ZNF233: variants seen among roughly 807,000 people sequenced by gnomAD.
The protein encoded by ZNF233 is zinc finger protein 233.
A neutral mutation model predicts 11.6 loss-of-function variants in ZNF233; 7 were observed. The ratio of observed to expected loss-of-function variants is 0.60; its 90% CI spans 0.34 to 1.13. ZNF233 has a LOEUF of 1.13. ZNF233 is among the 50% of genes most tolerant of loss of function. The pLI, the probability that ZNF233 is intolerant of heterozygous loss-of-function variation, is 0.03. For synonymous variants in ZNF233, 226 were observed against 268.5 expected (o/e 0.84, Z 1.55); for missense variants, 711 against 785.5 (o/e 0.91, Z 1.13).
At chr19:44,263,834 T>C (rs1033865911) in intron 1 of ZNF233, among the ~76,000 whole-genome samples, 3 of 152,254 alleles carry the variant, frequency 2.0e-5, no homozygotes, top group Non-Finnish European at 2.9e-5. Context: ...ATGCATAATA[T>C]CATCTGCTTT....
intron 1 of ZNF233, among the ~76,000 whole-genome samples, chr19:44,262,482 A>C (rs1974965257): frequency 6.6e-6 from 1 of 152,190 alleles, no homozygotes; most frequent in Non-Finnish European, 1.5e-5. Context: ...TTTTCTACTA[A>C]ATGTCGTGAA....
chr19:44,260,132 A>G (rs8100414), intron 1 of ZNF233, 194 bp downstream of exon 1: 4 of 253,462 alleles, frequency 1.6e-5, no homozygotes, highest in Non-Finnish European at 3.2e-5. Context: ...TTTGGTTTGA[A>G]GGTCTCCCGG....
At chr19:44,260,083 G>T in intron 1 of ZNF233, 145 bp downstream of exon 1, 4 of 290,296 alleles carry the variant, frequency 1.4e-5, no homozygotes, top group South Asian at 1.0e-4. Flanking sequence ...TTAGGGCGGT[G>T]CATGGGTCTC....
At position 44,264,438 on chromosome 19, in the gene ZNF233, T is replaced by C. The variant is rs564105970; in HGVS notation, c.15+63T>C. ...TCTCTTTTCCTCAAAGATTAGACAC[T>C]TTTTTTTCTCTTCCTTGGGAAAGAT... is the stretch of plus-strand genomic sequence containing the variant. On this transcript the variant is annotated intron_variant, in intron 2 of 4. Coordinates refer to ENST00000683810, the MANE Select transcript of ZNF233 (RefSeq NM_001207005.2). 5.5e-6 allele frequency: 8 copies of C among 1,464,516 alleles called. No homozygotes were observed. The African/African-American group carries it at 5.7e-5, about 10-fold the overall frequency. The allele number at this position is 1,464,516 out of a possible 1,614,324, so 90.7% of individuals were successfully genotyped here. A position where few individuals can be genotyped will look rare whatever the true frequency, so the allele number is the denominator to read the frequency against.
At chr19:44,266,830 C>A in intron 3 of ZNF233, 36 bp from the exon 4 acceptor site, 1 of 1,505,232 alleles carries the variant, frequency 6.6e-7, no homozygotes, top group Non-Finnish European at 9.2e-7. Context: ...GACTATAATG[C>A]ATTCACTTTA....
chr19:44,270,069 A>G (rs2123059893), intron 4 of ZNF233, among the ~76,000 whole-genome samples: 1 of 152,298 alleles, frequency 6.6e-6, no homozygotes, highest in East Asian at 1.9e-4. Flanking sequence ...CTTCTCATTG[A>G]GAGAGTTCAC....
At chr19:44,262,468 G>T (rs1362110166) in intron 1 of ZNF233, among the ~76,000 whole-genome samples, 5 of 152,148 alleles carry the variant, frequency 3.3e-5, no homozygotes, top group African/African-American at 4.8e-5. Flanking sequence ...AACCCCATTT[G>T]TTTTTTTCTA....
In ZNF233 at chr19:44,274,179, C is replaced by G; in HGVS notation, c.1519C>G (p.Pro507Ala). The G allele has an allele frequency of 6.2e-7, 1 of 1,613,926 alleles. No individual in the cohort carries two copies. The highest frequency in any genetic ancestry group is 1.1e-5 in the South Asian group (1 of 91,078). ...AHQRVHTGEK[P>A]YKCDTCGKDF... Reference sequence around the variant, plus strand: ...TCAGAGAGTCCATACAGGAGAGAAACCCTACAAATGTGACACATGTGGGAA... The same window carrying G: ...TCAGAGAGTCCATACAGGAGAGAAAGCCTACAAATGTGACACATGTGGGAA... The change falls in exon 5 of 5, where the codon CCC becomes GCC. Residue 507 changes from proline to alanine, a missense_variant. Transcript: ENST00000683810.
At chr19:44,270,158 A>G (rs1401144629) in intron 4 of ZNF233, among the ~76,000 whole-genome samples, 3 of 152,108 alleles carry the variant, frequency 2.0e-5, no homozygotes, top group Non-Finnish European at 4.4e-5. Flanking sequence ...CAGCCTACTT[A>G]TAATTTTTAT....
In ZNF233 at chr19:44,274,606, A is replaced by C. The variant is rs1975342918; in HGVS notation, c.1946A>C (p.Lys649Thr). 6.2e-7 allele frequency: 1 copy of C among 1,612,396 alleles called. No homozygotes were observed. Among genetic ancestry groups the C allele is most frequent in the South Asian group, 1.1e-5 (1 of 91,042 alleles). ...GTCCATACTGGAGAGAAACCATACA[A>C]ATGTTTTGTGTGTGGTAAGGGCTTT... ...QRVHTGEKPY[K>T]CFVCGKGFSK... Residue 649 changes from lysine (K) to threonine (T), a missense_variant, in exon 5 of 5, where the codon AAA becomes ACA. Coordinates refer to ENST00000683810, the MANE Select transcript of ZNF233 (RefSeq NM_001207005.2).
Position 44,274,745 on chromosome 19 carries a change from C to G in ZNF233, c.*72C>G, listed in dbSNP as rs928975040. 3 of 1,185,816 alleles carry G rather than the reference C, an allele frequency of 2.5e-6. No homozygotes were observed. The highest frequency in any genetic ancestry group is 3.1e-5 in the African/African-American group (2 of 64,248). The allele number at this position is 1,185,816 out of a possible 1,614,324, so 73.5% of individuals were successfully genotyped here. A position where few individuals can be genotyped will look rare whatever the true frequency, so the allele number is the denominator to read the frequency against. ...CAAGACTTAGACTTCCCATTTTCCT[C>G]AGAAAATCCACACAGCACAGAATAT... On this transcript the variant is annotated 3_prime_UTR_variant, in exon 5 of 5. Coordinates refer to ENST00000683810, the MANE Select transcript of ZNF233 (RefSeq NM_001207005.2).
chr19:44,273,051 T>C lies in ZNF233; in HGVS notation c.391T>C (p.Ser131Pro). Residue 131 changes from serine (S) to proline (P), a missense_variant, in exon 5 of 5, where the codon TCC becomes CCC. Transcript: ENST00000683810. Reference protein sequence around the residue: ...DLIINLQGKRSKLLKQGDSPC... With the variant: ...DLIINLQGKRPKLLKQGDSPC... Reference sequence around the variant, plus strand: ...AATAATAAATCTTCAAGGCAAGAGGTCCAAGTTGCTAAAACAAGGTGATTC... The same window carrying C: ...AATAATAAATCTTCAAGGCAAGAGGCCCAAGTTGCTAAAACAAGGTGATTC... 1 of 1,614,032 alleles carries C rather than the reference T, an allele frequency of 6.2e-7. No homozygotes were observed. The highest frequency in any genetic ancestry group is 1.6e-4 in the Middle Eastern group (1 of 6,062).
chr19:44,263,187 C>T (rs1182096858), intron 1 of ZNF233, among the ~76,000 whole-genome samples: 1 of 152,190 alleles, frequency 6.6e-6, no homozygotes, highest in East Asian at 1.9e-4. Context: ...CCATATAATT[C>T]ACCCTTTTAA....
At position 44,273,112 on chromosome 19, in the gene ZNF233, T is replaced by G. The variant is rs1369836111; in HGVS notation, c.452T>G (p.Val151Gly). The G allele has an allele frequency of 1.2e-6, 2 of 1,613,970 alleles. No individual in the cohort carries two copies. The highest frequency in any genetic ancestry group is 1.7e-6 in the Non-Finnish European group (2 of 1,179,994). Residue 151 changes from valine to glycine, a missense_variant, in exon 5 of 5, where the codon GTC (valine) becomes GGC (glycine). Transcript: ENST00000683810. ...GTGTGGACAGGAGAATCTAGTCAGG[T>G]CTCTGAAGATGAGAACTATGTAATA... The part of the protein sequence containing the change: ...CQVWTGESSQ[V>G]SEDENYVIKL...
At chr19:44,261,634 T>C (rs971993903) in intron 1 of ZNF233, among the ~76,000 whole-genome samples, 1 of 151,806 alleles carries the variant, frequency 6.6e-6, no homozygotes, top group Non-Finnish European at 1.5e-5. Context: ...TTGACCCTTT[T>C]ATGAATGATT....
At chr19:44,267,459 T>C (rs950744687) in intron 4 of ZNF233, 12 of 398,242 alleles carry the variant, frequency 3.0e-5, no homozygotes, top group African/African-American at 2.5e-4. Context: ...TCAATCGATC[T>C]TCTCACCTCA....
At position 44,264,390 on chromosome 19, in the gene ZNF233, G is replaced by C; in HGVS notation, c.15+15G>C. ...CCAAGTTTCAGGTGAGTTGAGTTTT[G>C]ATTTTTATCTCTTAAAATGACATCT... On this transcript the variant is annotated intron_variant, in intron 2 of 4. Transcript: ENST00000683810. 6.2e-7 allele frequency: 1 copy of C among 1,609,396 alleles called. No individual in the cohort carries two copies. Among genetic ancestry groups the C allele is most frequent in the Middle Eastern group, 1.7e-4 (1 of 6,038 alleles).
At chr19:44,265,530 C>A (rs1451036787) in intron 2 of ZNF233, among the ~76,000 whole-genome samples, 1 of 152,094 alleles carries the variant, frequency 6.6e-6, no homozygotes, top group African/African-American at 2.4e-5. Context: ...AAGCAATTCT[C>A]CTGCCTCAGC....
intron 4 of ZNF233, among the ~76,000 whole-genome samples, chr19:44,271,395 C>A (rs1975231938): frequency 1.3e-5 from 2 of 152,146 alleles, no homozygotes; most frequent in African/African-American, 4.8e-5. Flanking sequence ...CTTTTGTAAC[C>A]ATTTTTGGGC....
Sources: gnomAD v4.1 joint callset for allele counts (sites outside exome capture counted in the v4.1 genomes callset) on GRCh38, gnomAD v4.1.1 for gene constraint, MANE v1.5 for transcripts, NCBI Gene and HGNC (gene_info 2026-07-23, HGNC 2026-07-21) for gene names.